Variants in GPHN observed in about 807,000 individuals in gnomAD.
The protein encoded by GPHN is gephyrin.
GPHN carries 17 observed loss-of-function variants against 95.5 expected under a neutral mutation model. The observed-to-expected ratio is 0.18, with a 90% CI of 0.12 to 0.27. The LOEUF (loss-of-function observed/expected upper bound fraction) is 0.27. Among genes scored for constraint, GPHN ranks in the 10% least tolerant of loss-of-function variants. The probability of loss-of-function intolerance (pLI) is 1.00; values close to 1 mark genes in which losing one functional copy is unlikely to be tolerated. For missense variants in GPHN, 660 were observed against 978.1 expected, an observed-to-expected ratio of 0.67 and a Z score of 4.34; for synonymous variants, 320 against 322.5, an observed-to-expected ratio of 0.99 and a Z score of 0.08.
chr14:67,542,838 C>T, the GPHN span, among the ~76,000 whole-genome samples: 1 of 152,134 alleles, frequency 6.6e-6, no homozygotes. Flanking sequence ...GTAGCTGGGA[C>T]TACAGGCATG....
At chr14:67,690,848 T>C in the GPHN span, 3 of 412,920 alleles carry the variant, frequency 7.3e-6, no homozygotes, top group Non-Finnish European at 1.3e-5. Flanking sequence ...CTATACCTGA[T>C]GCTGGCCACA....
chr14:66,559,219 A>G (rs1292412770), intron 1 of GPHN, among the ~76,000 whole-genome samples: 3 of 151,974 alleles, frequency 2.0e-5, no homozygotes, highest in Non-Finnish European at 2.9e-5. Flanking sequence ...GTGTCTTTAT[A>G]GCAGCATGAT....
chr14:66,580,808 C>G lies in GPHN; in HGVS notation c.64+72217C>G, dbSNP rs138727842. On this transcript the variant is annotated intron_variant, in intron 1 of 22. Transcript: ENST00000478722. ...ATTGAAAATTGATGAGAGAAAACTT[C>G]AAACTCATTTTAAGAGGCCATCATT... 1.4e-4 allele frequency among the ~76,000 whole-genome samples: 21 copies of G among 151,794 alleles called. No homozygotes were observed. In the East Asian group the frequency reaches 3.5e-3, roughly 25 times the overall value.
chr14:66,735,896 T>A (rs1454401311), intron 2 of GPHN, among the ~76,000 whole-genome samples: 1 of 152,178 alleles, frequency 6.6e-6, no homozygotes, highest in Non-Finnish European at 1.5e-5. Context: ...TTATTTCTTG[T>A]TTAATACTTA....
the GPHN span, among the ~76,000 whole-genome samples, chr14:67,540,606 A>T: frequency 1.3e-5 from 2 of 151,046 alleles, no homozygotes; most frequent in South Asian, 4.2e-4. Context: ...AGTGTGGCTG[A>T]CAAAGTGAGA....
chr14:67,159,182 C>A (rs1165928335), intron 18 of GPHN, among the ~76,000 whole-genome samples: 2 of 151,920 alleles, frequency 1.3e-5, no homozygotes, highest in Admixed American at 1.3e-4. Context: ...GGCTGTATCC[C>A]CCTACACATA....
chr14:66,531,901 G>T (rs1267288427), intron 1 of GPHN, among the ~76,000 whole-genome samples: 1 of 152,118 alleles, frequency 6.6e-6, no homozygotes, highest in Admixed American at 6.5e-5. Context: ...GGCTTTGTGA[G>T]CTGTATATGA....
At chr14:67,067,010 G>A (rs938369102) in intron 11 of GPHN, among the ~76,000 whole-genome samples, 5 of 152,138 alleles carry the variant, frequency 3.3e-5, no homozygotes, top group African/African-American at 7.2e-5. Flanking sequence ...GAGAAAAGGC[G>A]CTCTGGTTTT....
At chr14:67,215,419 A>G in the GPHN span, among the ~76,000 whole-genome samples, 1 of 148,772 alleles carries the variant, frequency 6.7e-6, no homozygotes, top group Non-Finnish European at 1.5e-5. Context: ...TTTTTTTTTT[A>G]TGATAACCAC....
chr14:66,606,763 A>G (rs1422329716), intron 1 of GPHN, among the ~76,000 whole-genome samples: 1 of 151,988 alleles, frequency 6.6e-6, no homozygotes, highest in Admixed American at 6.6e-5. Context: ...CTCAGGTAGA[A>G]TGTTTTTGGT....
chr14:66,824,844 T>G (rs752342722), intron 4 of GPHN, among the ~76,000 whole-genome samples: 4 of 152,144 alleles, frequency 2.6e-5, no homozygotes, highest in Admixed American at 6.5e-5. Flanking sequence ...TCAGGCACAT[T>G]TCCAAAGGAA....
chr14:67,218,519 A>G, the GPHN span, among the ~76,000 whole-genome samples: 6 of 152,018 alleles, frequency 3.9e-5, no homozygotes, highest in Non-Finnish European at 8.8e-5. Flanking sequence ...GGGCATGTCA[A>G]CCTGGGTGGC....
chr14:67,341,514 G>T, the GPHN span, among the ~76,000 whole-genome samples: 2 of 151,324 alleles, frequency 1.3e-5, no homozygotes, highest in African/African-American at 4.9e-5. Context: ...AGGGAGGTGG[G>T]GGGGGTCAGC....
At chr14:67,074,227 T>C (rs924970924) in intron 11 of GPHN, among the ~76,000 whole-genome samples, 2 of 151,820 alleles carry the variant, frequency 1.3e-5, no homozygotes, top group Admixed American at 1.3e-4. Flanking sequence ...GTGGCAGTCC[T>C]ACATTGAGCA....
chr14:67,512,079 T>A, the GPHN span, among the ~76,000 whole-genome samples: 1 of 152,232 alleles, frequency 6.6e-6, no homozygotes, highest in Non-Finnish European at 1.5e-5. Flanking sequence ...CATCTTTATC[T>A]TATAGCAGAA....
At chr14:67,419,444 A>C in the GPHN span, among the ~76,000 whole-genome samples, 1 of 152,182 alleles carries the variant, frequency 6.6e-6, no homozygotes, top group Non-Finnish European at 1.5e-5. Flanking sequence ...TATTTACTGC[A>C]CAAAAGGAAC....
the GPHN span, chr14:67,392,926 A>C: frequency 8.0e-7 from 1 of 1,252,272 alleles, no homozygotes; most frequent in Non-Finnish European, 1.1e-6. Context: ...GACCTCACTG[A>C]CCTTGGCCCT....
At chr14:67,722,481 G>A in the GPHN span, 2 of 750,170 alleles carry the variant, frequency 2.7e-6, no homozygotes, top group Non-Finnish European at 4.9e-6. Context: ...TAGGATTCTG[G>A]GCTCTGCTCA....
intron 8 of GPHN, among the ~76,000 whole-genome samples, chr14:66,947,313 C>A (rs2067818282): frequency 2.6e-5 from 4 of 152,244 alleles, no homozygotes; most frequent in Admixed American, 2.6e-4. Context: ...GTGATCCACA[C>A]TGCCCACCTA....
Sources: allele counts gnomAD v4.1 joint callset (sites outside exome capture counted in the v4.1 genomes callset), GRCh38; gene constraint gnomAD v4.1.1; transcripts MANE v1.5; gene names NCBI Gene and HGNC (gene_info 2026-07-23, HGNC 2026-07-21).